Variants in ZNF281 observed in about 807,000 individuals in gnomAD.
ZNF281 encodes GC-box-binding zinc finger protein 1.
ZNF281 carries 2 observed loss-of-function variants against 58.8 expected under a neutral mutation model. That is an observed-to-expected ratio of 0.03 (90% CI 0.01 to 0.11). The LOEUF (loss-of-function observed/expected upper bound fraction) is 0.11. Among genes scored for constraint, ZNF281 ranks in the 10% least tolerant of loss-of-function variants. The pLI is 1.00. For missense variants in ZNF281, 975 were observed against 1,090.7 expected (o/e 0.89, Z 1.49); for synonymous variants, 465 against 407.7 (o/e 1.14, Z -1.69).
chr1:200,407,359 A>C lies in ZNF281; in HGVS notation c.2347T>G (p.Ser783Ala), dbSNP rs1212145886. ...KNLETSSAFQ[S>A]SSQKLTSQKE... ...TGGCTAGTCAATTTCTGAGATGAGG[A>C]CTGGAAGGCTGATGAAGTCTCTAAG... The change falls in exon 2 of 2, where the codon TCC (serine) becomes GCC (alanine). Residue 783 changes from serine (S) to alanine (A), a missense_variant. By Grantham distance (99) the Ser-to-Ala change is moderately conservative. This residue lies in a region of ZNF281 where 579 missense variants were observed against 608.9 expected (regional missense o/e 0.95). Transcript: ENST00000367353. The C allele has an allele frequency of 6.2e-7, 1 of 1,614,068 alleles. No homozygotes were observed. The highest frequency in any genetic ancestry group is 1.3e-5 in the African/African-American group (1 of 75,022).
rs949525408 is a variant in ZNF281, at chr1:200,406,163, C to G, written c.*855G>C. 6 of 152,442 alleles carry G rather than the reference C, an allele frequency of 3.9e-5. No individual in the cohort carries two copies. The highest frequency in any genetic ancestry group is 1.4e-4 in the African/African-American group (6 of 41,442). The allele number at this position is 152,442 out of a possible 1,614,324, so 9.4% of individuals were successfully genotyped here. A position where few individuals can be genotyped will look rare whatever the true frequency, so the allele number is the denominator to read the frequency against. On this transcript the variant is annotated 3_prime_UTR_variant, in exon 2 of 2. Coordinates refer to ENST00000367353, the MANE Select transcript of ZNF281 (RefSeq NM_001281293.2). ...ATTTCAGTTAATCATATAATTTCAACTTGAGTTCTAATACTGGAACCAGCC... is the reference window on the plus strand; with the variant it reads ...ATTTCAGTTAATCATATAATTTCAAGTTGAGTTCTAATACTGGAACCAGCC...
In ZNF281 at chr1:200,406,937, G is replaced by A. The variant is rs1222768919; in HGVS notation, c.*81C>T. On this transcript the variant is annotated 3_prime_UTR_variant, in exon 2 of 2. Coordinates refer to ENST00000367353, the MANE Select transcript of ZNF281 (RefSeq NM_001281293.2). ...ATCACATTATTCTTAATAGGATCGT[G>A]TAGAAACATTCCAATGGCAGTGTTC... 7 of 1,380,584 alleles carry A rather than the reference G, an allele frequency of 5.1e-6. 1 individual carries two copies. The highest frequency in any genetic ancestry group is 2.3e-5 in the Admixed American group (1 of 43,980). The allele number at this position is 1,380,584 out of a possible 1,614,324, so 85.5% of individuals were successfully genotyped here.
rs1654428962 is a variant in ZNF281 at position 200,405,666 on chromosome 1, A to ACC, written c.*1350_*1351dup. On this transcript the variant is annotated 3_prime_UTR_variant, in exon 2 of 2. Transcript: ENST00000367353. ...TAGCAAGTTTTGATGACTTTACAAG[A>ACC]CCCCTGTACAATACTAATGCACCCT... 6.6e-6 allele frequency: 1 copy of ACC among 152,118 alleles called. No individual in the cohort carries two copies. The highest frequency in any genetic ancestry group is 1.5e-5 in the Non-Finnish European group (1 of 68,014). 9.4% of individuals were successfully genotyped at this position (152,118 alleles called of 1,614,324 possible). A position where few individuals can be genotyped will look rare whatever the true frequency, so the allele number is the denominator to read the frequency against.
Position 200,409,516 on chromosome 1 carries a change from T to C in ZNF281, c.190A>G (p.Thr64Ala), listed in dbSNP as rs2102484716. The C allele has an allele frequency of 6.5e-7, 1 of 1,548,112 alleles. No individual in the cohort carries two copies. The highest frequency in any genetic ancestry group is 2.4e-5 in the East Asian group (1 of 40,826). The change falls in exon 2 of 2, where the codon ACC (threonine) becomes GCC (alanine). Residue 64 changes from threonine to alanine, a missense_variant. By Grantham distance (58) the Thr-to-Ala change is moderately conservative. This residue lies in a region of ZNF281 where 370 missense variants were observed against 360.9 expected (regional missense o/e 1.03). Coordinates refer to ENST00000367353, the MANE Select transcript of ZNF281 (RefSeq NM_001281293.2). ...NHRLPPVTSF[T>A]RPAGSAAPPP... ...GGGGCGGCCGACCCCGCCGGCCGGG[T>C]GAAGCTGGTGACCGGGGGAAGACGG...
In ZNF281 at chr1:200,409,437, G is replaced by C. The variant is rs531654724; in HGVS notation, c.269C>G (p.Pro90Arg). The change falls in exon 2 of 2, where the codon CCC (proline) becomes CGC (arginine). Residue 90 changes from proline (P) to arginine (R), a missense_variant. Pro to Arg is a moderately radical substitution (Grantham distance 103). This residue lies in a region of ZNF281 where 370 missense variants were observed against 360.9 expected (regional missense o/e 1.03). Transcript: ENST00000367353. ...SSTSAAPAAE[P>R]PPPPAPDMTF... Reference sequence around the variant, plus strand: ...CATGTCCGGGGCTGGCGGAGGGGGGGGCTCAGCGGCCGGGGCTGCGGAGGT... The same window carrying C: ...CATGTCCGGGGCTGGCGGAGGGGGGCGCTCAGCGGCCGGGGCTGCGGAGGT... 203 of 1,524,400 alleles carry C rather than the reference G, an allele frequency of 1.3e-4. 2 individuals carry two copies. Among genetic ancestry groups the C allele is most frequent in the Middle Eastern group, 5.3e-4 (3 of 5,686 alleles). 94.4% of individuals were successfully genotyped at this position (1,524,400 alleles called of 1,614,324 possible).
In ZNF281 at chr1:200,409,600, T is replaced by TGCTGCC. The variant is rs953727565; in HGVS notation, c.100_105dup (p.Gly34_Ser35dup). On this transcript the variant is annotated inframe_insertion, in exon 2 of 2. Coordinates refer to ENST00000367353, the MANE Select transcript of ZNF281 (RefSeq NM_001281293.2). ...GGTTCCATCTCTGCCCTCCTGCCGC[T>TGCTGCC]GCTGCCGCCGCCGCCGCCGCCGCCA... 4 of 1,547,956 alleles carry TGCTGCC rather than the reference T, an allele frequency of 2.6e-6. No individual in the cohort carries two copies. The highest frequency in any genetic ancestry group is 1.4e-5 in the African/African-American group (1 of 72,416).
chr1:200,405,654 T>C lies in ZNF281; in HGVS notation c.*1364A>G, dbSNP rs1162122111. 1 of 152,216 alleles carries C rather than the reference T, an allele frequency of 6.6e-6. No individual in the cohort carries two copies. The highest frequency in any genetic ancestry group is 1.5e-5 in the Non-Finnish European group (1 of 68,042). The allele number at this position is 152,216 out of a possible 1,614,324, so 9.4% of individuals were successfully genotyped here. On this transcript the variant is annotated 3_prime_UTR_variant, in exon 2 of 2. Transcript: ENST00000367353. ...AATTAGAGTTCATAGCAAGTTTTGA[T>C]GACTTTACAAGACCCCTGTACAATA...
At position 200,405,458 on chromosome 1, in the gene ZNF281, T is replaced by C. The variant is rs1654423924; in HGVS notation, c.*1560A>G. 1 of 152,192 alleles carries C rather than the reference T, an allele frequency of 6.6e-6. No individual in the cohort carries two copies. Among genetic ancestry groups the C allele is most frequent in the African/African-American group, 2.4e-5 (1 of 41,428 alleles). 9.4% of individuals were successfully genotyped at this position (152,192 alleles called of 1,614,324 possible). On this transcript the variant is annotated 3_prime_UTR_variant, in exon 2 of 2. Transcript: ENST00000367353. Reference sequence around the variant, plus strand: ...CAATAAGACTGCAAACAACCAGTGGTACTTTTCTGACGTCAGAAGAGTACA... The same window carrying C: ...CAATAAGACTGCAAACAACCAGTGGCACTTTTCTGACGTCAGAAGAGTACA...
Position 200,406,914 on chromosome 1 carries a change from C to T in ZNF281, c.*104G>A, listed in dbSNP as rs891688737. 1.8e-6 allele frequency: 2 copies of T among 1,105,942 alleles called. No individual in the cohort carries two copies. The highest frequency in any genetic ancestry group is 3.1e-5 in the African/African-American group (2 of 63,672). 68.5% of individuals were successfully genotyped at this position (1,105,942 alleles called of 1,614,324 possible). ...ATGAAAAGTTGCATTGAAAGGGCAT[C>T]ACATTATTCTTAATAGGATCGTGTA... On this transcript the variant is annotated 3_prime_UTR_variant, in exon 2 of 2. Transcript: ENST00000367353.
intron 1 of ZNF281, 100 bp downstream of exon 1, chr1:200,409,846 C>G (rs1654574207): frequency 1.5e-6 from 2 of 1,306,314 alleles, no homozygotes; most frequent in African/African-American, 3.0e-5. Flanking sequence ...GCGCCCAGCA[C>G]TAATTCCCAG....
Position 200,408,617 on chromosome 1 carries a change from G to A in ZNF281, c.1089C>T (p.His363=), listed in dbSNP as rs1654524087. The A allele has an allele frequency of 6.2e-7, 1 of 1,614,180 alleles. No individual in the cohort carries two copies. Among genetic ancestry groups the A allele is most frequent in the East Asian group, 2.2e-5 (1 of 44,890 alleles). The part of the protein sequence containing the change: ...YFSRTDRLLK[H]RRTCGEVIVK... Reference sequence around the variant, plus strand: ...CTATGACTTCACCACATGTGCGCCTGTGCTTCAACAATCTATCAGTCCTTG... The same window carrying A: ...CTATGACTTCACCACATGTGCGCCTATGCTTCAACAATCTATCAGTCCTTG... Residue 363 remains histidine, a synonymous_variant, in exon 2 of 2, where the codon CAC becomes CAT. Coordinates refer to ENST00000367353, the MANE Select transcript of ZNF281 (RefSeq NM_001281293.2).
intron 1 of ZNF281, 83 bp downstream of exon 1, chr1:200,409,863 C>A (rs1170267107): frequency 3.5e-6 from 4 of 1,151,478 alleles, no homozygotes; most frequent in Non-Finnish European, 3.6e-6. Flanking sequence ...CCAGCCCAGT[C>A]GCCTCCGGCA....
chr1:200,407,163 G>A lies in ZNF281; in HGVS notation c.2543C>T (p.Thr848Ile), dbSNP rs1654474104. 2 of 1,614,016 alleles carry A rather than the reference G, an allele frequency of 1.2e-6. No homozygotes were observed. Among genetic ancestry groups the A allele is most frequent in the African/African-American group, 1.3e-5 (1 of 74,898 alleles). ...TTCTCCATTAGAGTTAGTGATAAAG[G>A]TCATTGGCACCCTGCTGCCCGACTT... ...QFKSGSRVPM[T>I]FITNSNGEVD... Residue 848 changes from threonine (T) to isoleucine (I), a missense_variant, in exon 2 of 2, where the codon ACC (threonine) becomes ATC (isoleucine). Coordinates refer to ENST00000367353, the MANE Select transcript of ZNF281 (RefSeq NM_001281293.2).
At position 200,409,299 on chromosome 1, in the gene ZNF281, T is replaced by A; in HGVS notation, c.407A>T (p.Glu136Val). 2 of 1,607,422 alleles carry A rather than the reference T, an allele frequency of 1.2e-6. No homozygotes were observed. Among genetic ancestry groups the A allele is most frequent in the Non-Finnish European group, 8.5e-7 (1 of 1,176,678 alleles). ...SIKQEKPADP[E>V]EQQSHHHHHH... is the part of the protein sequence containing the mutation. Reference sequence around the variant, plus strand: ...ATGGTGGTGGTGGGACTGCTGCTCCTCAGGATCCGCGGGTTTCTCCTGTTT... The same window carrying A: ...ATGGTGGTGGTGGGACTGCTGCTCCACAGGATCCGCGGGTTTCTCCTGTTT... Residue 136 changes from glutamate (E) to valine (V), a missense_variant, in exon 2 of 2, where the codon GAG (glutamate) becomes GTG (valine). Coordinates refer to ENST00000367353, the MANE Select transcript of ZNF281 (RefSeq NM_001281293.2).
In ZNF281 at chr1:200,406,811, C is replaced by CT. The variant is rs1240706511; in HGVS notation, c.*206dup. On this transcript the variant is annotated 3_prime_UTR_variant, in exon 2 of 2. Transcript: ENST00000367353. ...AAACATTGTCACTTTGAATGTCAAA[C>CT]TATTTTTAATCTATTGATTTTGATT... 3 of 429,924 alleles carry CT rather than the reference C, an allele frequency of 7.0e-6. No individual in the cohort carries two copies. The highest frequency in any genetic ancestry group is 4.1e-5 in the African/African-American group (2 of 48,584). 26.6% of individuals were successfully genotyped at this position (429,924 alleles called of 1,614,324 possible).
At position 200,409,545 on chromosome 1, in the gene ZNF281, T is replaced by C. The variant is rs1654557673; in HGVS notation, c.161A>G (p.Asn54Ser). ...GCTGGTGACCGGGGGAAGACGGTGG[T>C]TGAACATAACCATACCCTGGGGAAA... is the stretch of plus-strand genomic sequence containing the variant. ...PTFPQGMVMF[N>S]HRLPPVTSFT... is the part of the protein sequence containing the mutation. The change falls in exon 2 of 2, where the codon AAC (asparagine) becomes AGC (serine). Residue 54 changes from asparagine (N) to serine (S), a missense_variant. By Grantham distance (46) the Asn-to-Ser change is conservative. This residue lies in a region of ZNF281 where 370 missense variants were observed against 360.9 expected (regional missense o/e 1.03). Coordinates refer to ENST00000367353, the MANE Select transcript of ZNF281 (RefSeq NM_001281293.2). 5.8e-6 allele frequency: 9 copies of C among 1,549,592 alleles called. No homozygotes were observed. The highest frequency in any genetic ancestry group is 1.2e-5 in the South Asian group (1 of 84,036).
Position 200,409,416 on chromosome 1 carries a change from T to C in ZNF281, c.290A>G (p.Asp97Gly). 1 of 1,520,096 alleles carries C rather than the reference T, an allele frequency of 6.6e-7. No individual in the cohort carries two copies. Among genetic ancestry groups the C allele is most frequent in the Non-Finnish European group, 8.8e-7 (1 of 1,131,804 alleles). The allele number at this position is 1,520,096 out of a possible 1,614,324, so 94.2% of individuals were successfully genotyped here. ...CGCCGGCTCCTTCTTGAAAGTCATGTCCGGGGCTGGCGGAGGGGGGGGCTC... is the reference window on the plus strand; with the variant it reads ...CGCCGGCTCCTTCTTGAAAGTCATGCCCGGGGCTGGCGGAGGGGGGGGCTC... ...AAEPPPPPAP[D>G]MTFKKEPAAS... Residue 97 changes from aspartate (D) to glycine (G), a missense_variant, in exon 2 of 2, where the codon GAC becomes GGC. Coordinates refer to ENST00000367353, the MANE Select transcript of ZNF281 (RefSeq NM_001281293.2).
Position 200,409,117 on chromosome 1 carries a change from G to A in ZNF281, c.589C>T (p.Leu197Phe). ...QPAQHHRDVL[L>F]SSSSRTDDHH... Reference sequence around the variant, plus strand: ...TCATCAGTCCTGCTACTGCTGCTGAGTAATACGTCACGGTGGTGCTGGGCT... The same window carrying A: ...TCATCAGTCCTGCTACTGCTGCTGAATAATACGTCACGGTGGTGCTGGGCT... The change falls in exon 2 of 2, where the codon CTC becomes TTC. Residue 197 changes from leucine (L) to phenylalanine (F), a missense_variant. This residue lies in a region of ZNF281 where 370 missense variants were observed against 360.9 expected (regional missense o/e 1.03). Transcript: ENST00000367353. The A allele has an allele frequency of 1.2e-6, 2 of 1,614,226 alleles. No homozygotes were observed. The highest frequency in any genetic ancestry group is 1.7e-6 in the Non-Finnish European group (2 of 1,180,046).
rs1654546691 is a variant in ZNF281 at position 200,409,399 on chromosome 1, C to T, written c.307G>A (p.Glu103Lys). ...AAGGCCGCGGCTGACGCCGCCGGCT[C>T]CTTCTTGAAAGTCATGTCCGGGGCT... ...PPAPDMTFKK[E>K]PAASAAAFPS... The change falls in exon 2 of 2, where the codon GAG becomes AAG. Residue 103 changes from glutamate (E) to lysine (K), a missense_variant. By Grantham distance (56) the Glu-to-Lys change is moderately conservative. Transcript: ENST00000367353. 6.6e-7 allele frequency: 1 copy of T among 1,519,910 alleles called. No individual in the cohort carries two copies. Among genetic ancestry groups the T allele is most frequent in the African/African-American group, 1.4e-5 (1 of 71,592 alleles). 94.2% of individuals were successfully genotyped at this position (1,519,910 alleles called of 1,614,324 possible). A position where few individuals can be genotyped will look rare whatever the true frequency, so the allele number is the denominator to read the frequency against.
Sources: gnomAD v4.1 joint callset for allele counts on GRCh38, gnomAD v4.1.1 for gene constraint, gnomAD v4.1.1 regional missense constraint, MANE v1.5 for transcripts, NCBI Gene and HGNC (gene_info 2026-07-23, HGNC 2026-07-21) for gene names.